Variants in TTLL7 observed in about 807,000 individuals in gnomAD.
TTLL7 encodes tubulin tyrosine ligase like 7.
In TTLL7, 53 loss-of-function variants were observed where a neutral mutation model predicts 120.2. The ratio of observed to expected loss-of-function variants is 0.44; its 90% CI spans 0.35 to 0.55. The LOEUF (loss-of-function observed/expected upper bound fraction) is 0.55. TTLL7 is among the 20% of genes least tolerant of loss of function. The pLI is 0.00. For missense variants in TTLL7, 803 were observed against 1,054.7 expected, an observed-to-expected ratio of 0.76 and a Z score of 3.31; for synonymous variants, 353 against 351.7, an observed-to-expected ratio of 1.00 and a Z score of -0.04.
intron 1 of TTLL7, among the ~76,000 whole-genome samples, chr1:83,985,944 T>C (rs1444529669): frequency 6.6e-6 from 1 of 152,168 alleles, no homozygotes; most frequent in Non-Finnish European, 1.5e-5. Flanking sequence ...AAAAGAAATG[T>C]CCAGACCAAG....
In TTLL7 at chr1:83,947,259, T is replaced by A; in HGVS notation, c.371A>T (p.Asp124Val). ...CCAAGTTCGAGGAACAAAGGTATAA[T>A]CCAGAGGCCGAGACTTGATCATTCT... ...MTKMIKSRPL[D>V]YTFVPRTWIF... is the part of the protein sequence containing the mutation. The change falls in exon 6 of 21, where the codon GAT (aspartate) becomes GTT (valine). Residue 124 changes from aspartate (D) to valine (V), a missense_variant. This residue lies in a region of TTLL7 where 324 missense variants were observed against 507.7 expected (regional missense o/e 0.64). Transcript: ENST00000260505. The A allele has an allele frequency of 6.2e-7, 1 of 1,610,948 alleles. No homozygotes were observed. Among genetic ancestry groups the A allele is most frequent in the East Asian group, 2.2e-5 (1 of 44,724 alleles).
At chr1:83,899,516 C>G (rs1013477279) in intron 18 of TTLL7, among the ~76,000 whole-genome samples, 4 of 151,690 alleles carry the variant, frequency 2.6e-5, no homozygotes, top group African/African-American at 9.7e-5. Flanking sequence ...CTTTTAAGAG[C>G]CAAAATTCAA....
chr1:83,998,900 T>A, intron 1 of TTLL7, 31 bp downstream of exon 1: 1 of 368,738 alleles, frequency 2.7e-6, no homozygotes, highest in Non-Finnish European at 5.5e-6. Context: ...TGGAAGGGGG[T>A]CGGGGGAGGA....
chr1:83,996,661 A>G (rs1254698727), intron 1 of TTLL7, among the ~76,000 whole-genome samples: 1 of 152,226 alleles, frequency 6.6e-6, no homozygotes, highest in Non-Finnish European at 1.5e-5. Context: ...ACGTGTAAGT[A>G]AAATTTCCCC....
At chr1:83,875,813 G>C (rs963752718) in intron 20 of TTLL7, among the ~76,000 whole-genome samples, 18 of 151,950 alleles carry the variant, frequency 1.2e-4, no homozygotes, top group African/African-American at 4.3e-4. Context: ...ATTGGTAGGA[G>C]TTATTATATA....
intron 12 of TTLL7, chr1:83,920,424 T>G (rs1183610721): frequency 6.6e-6 from 1 of 152,524 alleles, no homozygotes; most frequent in African/African-American, 2.4e-5. Flanking sequence ...GTGGTGGAAT[T>G]TGCCTCTCTA....
chr1:83,946,275 T>C (rs189021109), intron 6 of TTLL7: 1 of 152,088 alleles, frequency 6.6e-6, no homozygotes, highest in Non-Finnish European at 1.5e-5. Context: ...ATGGTCTCGA[T>C]CTCCTGTCCT....
At chr1:83,978,976 C>T (rs1651733128) in intron 1 of TTLL7, 1 of 152,190 alleles carries the variant, frequency 6.6e-6, no homozygotes, top group Admixed American at 6.5e-5. Context: ...CTCCTCCCCA[C>T]TGAATTAGTT....
intron 1 of TTLL7, among the ~76,000 whole-genome samples, chr1:83,965,681 T>C (rs577252134): frequency 6.6e-6 from 1 of 152,174 alleles, no homozygotes; most frequent in Non-Finnish European, 1.5e-5. Flanking sequence ...ATAAGCTTCT[T>C]GAAGGGAATA....
At chr1:83,955,950 G>T (rs1649471021) in intron 1 of TTLL7, among the ~76,000 whole-genome samples, 2 of 152,172 alleles carry the variant, frequency 1.3e-5, no homozygotes, top group Admixed American at 1.3e-4. Flanking sequence ...GCAGTGAGCT[G>T]TGTTCATGCC....
intron 14 of TTLL7, among the ~76,000 whole-genome samples, chr1:83,917,099 CAAAA>C (rs540546625): frequency 3.7e-5 from 3 of 81,276 alleles, no homozygotes. Context: ...ACCCTGTTAT[CAAAA>C]AAAAAAAAAA....
chr1:83,890,819 A>G (rs631645), intron 18 of TTLL7, among the ~76,000 whole-genome samples: 12 of 152,278 alleles, frequency 7.9e-5, no homozygotes, highest in Admixed American at 3.3e-4. Context: ...AGGCCCATGC[A>G]TTTATGAAAC....
intron 14 of TTLL7, among the ~76,000 whole-genome samples, chr1:83,916,432 A>C (rs1167685558): frequency 6.8e-6 from 1 of 146,458 alleles, no homozygotes; most frequent in African/African-American, 2.5e-5. Context: ...ATAGGTGGGA[A>C]TTGAACAATG....
At chr1:83,963,429 AAG>A (rs765218900) in intron 1 of TTLL7, among the ~76,000 whole-genome samples, 1 of 152,112 alleles carries the variant, frequency 6.6e-6, no homozygotes, top group Non-Finnish European at 1.5e-5. Flanking sequence ...GCAGAGCAGA[AAG>A]AGAGATAACA....
At chr1:83,915,944 C>T (rs575414560) in intron 14 of TTLL7, among the ~76,000 whole-genome samples, 8 of 152,258 alleles carry the variant, frequency 5.3e-5, no homozygotes, top group African/African-American at 9.6e-5. Context: ...CAATGAGATA[C>T]CATCTCACAC....
chr1:83,914,130 T>C (rs1013229962), intron 14 of TTLL7, among the ~76,000 whole-genome samples: 3 of 151,824 alleles, frequency 2.0e-5, no homozygotes, highest in Admixed American at 6.6e-5. Context: ...CAGTCTCTGA[T>C]ATCCAAGATC....
chr1:83,916,040 G>A (rs1168060539), intron 14 of TTLL7, among the ~76,000 whole-genome samples: 1 of 152,250 alleles, frequency 6.6e-6, no homozygotes, highest in African/African-American at 2.4e-5. Flanking sequence ...TACACTGTTG[G>A]TGGGACTGTA....
chr1:83,866,912 GTTGT>G lies in TTLL7; in HGVS notation c.*3046_*3049del, dbSNP rs1194965328. 4.6e-5 allele frequency: 7 copies of G among 151,920 alleles called. No homozygotes were observed. The East Asian group carries it at 1.3e-3, about 29-fold the overall frequency. 9.4% of individuals were successfully genotyped at this position (151,920 alleles called of 1,614,324 possible). A position where few individuals can be genotyped will look rare whatever the true frequency, so the allele number is the denominator to read the frequency against. Reference sequence around the variant, plus strand: ...TAAGTGATGATTTAAAATAAAAAAGGTTGTTTCTTAGACATTTCTAGAAATTATT... The same window carrying G: ...TAAGTGATGATTTAAAATAAAAAAGGTTCTTAGACATTTCTAGAAATTATT... On this transcript the variant is annotated 3_prime_UTR_variant, in exon 21 of 21. Transcript: ENST00000260505.
intron 9 of TTLL7, among the ~76,000 whole-genome samples, chr1:83,931,991 T>A (rs1659641129): frequency 6.6e-6 from 1 of 152,184 alleles, no homozygotes; most frequent in South Asian, 2.1e-4. Context: ...CAGCTCTTGG[T>A]TATTGTGGAG....
Sources: gnomAD v4.1 joint callset for allele counts (sites outside exome capture counted in the v4.1 genomes callset) on GRCh38, gnomAD v4.1.1 for gene constraint, gnomAD v4.1.1 regional missense constraint, MANE v1.5 for transcripts, NCBI Gene and HGNC (gene_info 2026-07-23, HGNC 2026-07-21) for gene names.